The following CCNYL1 variants were observed in gnomAD, a reference collection of about 807,000 sequenced individuals.
CCNYL1 encodes the protein cyclin-Y-like protein 1.
In CCNYL1, 16 loss-of-function variants were observed where a neutral mutation model predicts 44.2. That is an observed-to-expected ratio of 0.36 (90% CI 0.25 to 0.55). The LOEUF (loss-of-function observed/expected upper bound fraction) is 0.55. Ranked by LOEUF, CCNYL1 falls within the 20% of genes least tolerant of loss-of-function variation. CCNYL1 has a pLI of 0.85. For missense variants in CCNYL1, 348 were observed against 451.8 expected (o/e 0.77, Z 2.08); for synonymous variants, 159 against 163.2 (o/e 0.97, Z 0.20).
At position 207,755,816 on chromosome 2, in the gene CCNYL1, GGTTA is replaced by G. The variant is rs1422997739; in HGVS notation, c.*2121_*2124del. 1 of 152,136 alleles carries G rather than the reference GGTTA, an allele frequency of 6.6e-6. No individual in the cohort carries two copies. The highest frequency in any genetic ancestry group is 1.5e-5 in the Non-Finnish European group (1 of 68,014). 9.4% of individuals were successfully genotyped at this position (152,136 alleles called of 1,614,324 possible). On this transcript the variant is annotated 3_prime_UTR_variant, in exon 10 of 10. Transcript: ENST00000295414. Reference sequence around the variant, plus strand: ...ACCTAAATTTGAAATACTAAGAAGAGGTTAGTGTTCTCAACTATGTGAAATCTGT... The same window carrying G: ...ACCTAAATTTGAAATACTAAGAAGAGGTGTTCTCAACTATGTGAAATCTGT...
intron 9 of CCNYL1, among the ~76,000 whole-genome samples, chr2:207,752,761 T>C (rs2091903007): frequency 6.6e-6 from 1 of 151,722 alleles, no homozygotes; most frequent in Admixed American, 6.6e-5. Context: ...TGAGAGTGGC[T>C]CATGCCTCAG....
intron 7 of CCNYL1, 121 bp from the exon 8 acceptor site, chr2:207,746,926 G>A: frequency 2.7e-6 from 2 of 732,810 alleles, no homozygotes; most frequent in East Asian, 2.7e-5. Context: ...TGTGAGCCGA[G>A]ATCGCACCAT....
intron 5 of CCNYL1, among the ~76,000 whole-genome samples, chr2:207,740,233 C>T (rs984040708): frequency 3.9e-5 from 6 of 152,232 alleles, no homozygotes; most frequent in Middle Eastern, 3.4e-3. Flanking sequence ...GAATGTAATA[C>T]GGAGAACTAG....
chr2:207,740,240 C>G (rs969277439), intron 5 of CCNYL1, among the ~76,000 whole-genome samples: 8 of 152,162 alleles, frequency 5.3e-5, no homozygotes, highest in African/African-American at 1.9e-4. Context: ...ATACGGAGAA[C>G]TAGAAAGGAA....
At chr2:207,735,121 C>T (rs182496499) in intron 4 of CCNYL1, among the ~76,000 whole-genome samples, 1 of 152,228 alleles carries the variant, frequency 6.6e-6, no homozygotes, top group Admixed American at 6.5e-5. Flanking sequence ...AGATTTCATG[C>T]TTTTTTCCCC....
intron 1 of CCNYL1, among the ~76,000 whole-genome samples, chr2:207,724,008 C>T (rs1007359724): frequency 1.3e-5 from 2 of 151,308 alleles, no homozygotes; most frequent in Admixed American, 6.6e-5. Context: ...GTTTTGTAGT[C>T]TTGCCTAAAT....
At chr2:207,743,825 TTTTTG>T (rs1398140765) in intron 7 of CCNYL1, among the ~76,000 whole-genome samples, 12 of 152,058 alleles carry the variant, frequency 7.9e-5, no homozygotes, top group South Asian at 2.1e-4. Flanking sequence ...TTTGTTTTTG[TTTTTG>T]TTTTGTTTTG....
At position 207,734,118 on chromosome 2, in the gene CCNYL1, G is replaced by C. The variant is rs7573046; in HGVS notation, c.431+71G>C. The C allele has an allele frequency of 4.1e-4, 363 of 893,274 alleles. No individual in the cohort carries two copies. In the African/African-American group the frequency reaches 5.6e-3, roughly 14 times the overall value. 55.3% of individuals were successfully genotyped at this position (893,274 alleles called of 1,614,324 possible). A position where few individuals can be genotyped will look rare whatever the true frequency, so the allele number is the denominator to read the frequency against. ...TGCTAAAAGCATCCTAGCCATCCTC[G>C]GTAATTTCAGCCATTTGATTGTCCT... On this transcript the variant is annotated intron_variant, in intron 4 of 9. Coordinates refer to ENST00000295414, the MANE Select transcript of CCNYL1 (RefSeq NM_001330218.2).
chr2:207,746,303 G>A (rs1040079499), intron 7 of CCNYL1, among the ~76,000 whole-genome samples: 1 of 152,210 alleles, frequency 6.6e-6, no homozygotes, highest in African/African-American at 2.4e-5. Context: ...ACTGTGAAAA[G>A]GAGAAGGTAA....
chr2:207,747,410 A>G (rs953743647), intron 8 of CCNYL1, among the ~76,000 whole-genome samples, 197 bp downstream of exon 8: 1 of 152,140 alleles, frequency 6.6e-6, no homozygotes, highest in African/African-American at 2.4e-5. Context: ...AACTAACTTC[A>G]TATTTTCCAT....
intron 3 of CCNYL1, among the ~76,000 whole-genome samples, chr2:207,728,575 C>T (rs2091698158): frequency 1.3e-5 from 2 of 152,164 alleles, no homozygotes; most frequent in South Asian, 4.1e-4. Flanking sequence ...TGCACCTAGC[C>T]AAAGCTTCCT....
chr2:207,743,974 T>C (rs1033417540), intron 7 of CCNYL1, among the ~76,000 whole-genome samples: 1 of 152,152 alleles, frequency 6.6e-6, no homozygotes, highest in Admixed American at 6.6e-5. Context: ...GAGAGGCAGA[T>C]TGAACAAAGT....
chr2:207,747,907 T>TTTCATTCA (rs147302428), intron 8 of CCNYL1, among the ~76,000 whole-genome samples: 7 of 152,092 alleles, frequency 4.6e-5, no homozygotes, highest in African/African-American at 1.7e-4. Flanking sequence ...CCTTTCTCTT[T>TTTCATTCA]TTCATTCATT....
chr2:207,727,115 A>G (rs890934797), intron 3 of CCNYL1, among the ~76,000 whole-genome samples: 1 of 152,196 alleles, frequency 6.6e-6, no homozygotes, highest in African/African-American at 2.4e-5. Context: ...TGGTTGTGGT[A>G]TAAATATCTG....
chr2:207,726,849 A>G lies in CCNYL1; in HGVS notation c.303A>G (p.Glu101=). ...AATTTTTTTTATTCTTAGTGCGAGA[A>G]AAGAGGAAGAGCAACCATTTGAACC... The part of the protein sequence containing the change: ...FLSKSQTDVR[E]KRKSNHLNHV... Residue 101 remains glutamate (E), a synonymous_variant, in exon 3 of 10, where the codon GAA becomes GAG. Transcript: ENST00000295414. 1.3e-6 allele frequency: 2 copies of G among 1,568,676 alleles called. No homozygotes were observed. The highest frequency in any genetic ancestry group is 1.7e-6 in the Non-Finnish European group (2 of 1,163,490).
chr2:207,715,044 C>A (rs1035772287), intron 1 of CCNYL1, among the ~76,000 whole-genome samples: 1 of 152,020 alleles, frequency 6.6e-6, no homozygotes, highest in Non-Finnish European at 1.5e-5. Flanking sequence ...CTGAGGTGGG[C>A]GGATCACGAG....
chr2:207,746,422 T>C (rs1023919206), intron 7 of CCNYL1, among the ~76,000 whole-genome samples: 2 of 152,226 alleles, frequency 1.3e-5, no homozygotes, highest in Non-Finnish European at 1.5e-5. Context: ...TAGGCACTCA[T>C]TATTTATTGA....
At chr2:207,723,523 T>G (rs1193982795) in intron 1 of CCNYL1, among the ~76,000 whole-genome samples, 1 of 152,158 alleles carries the variant, frequency 6.6e-6, no homozygotes, top group African/African-American at 2.4e-5. Flanking sequence ...TCGCCTTAAC[T>G]GTTACTCTGG....
intron 4 of CCNYL1, 38 bp downstream of exon 4, chr2:207,734,085 C>A: frequency 1.6e-6 from 2 of 1,283,520 alleles, no homozygotes; most frequent in Non-Finnish European, 2.3e-6. Context: ...GAGTGACAGA[C>A]CCCCTTATGC....
Sources: gnomAD v4.1 joint callset for allele counts (sites outside exome capture counted in the v4.1 genomes callset) on GRCh38, gnomAD v4.1.1 for gene constraint, MANE v1.5 for transcripts, NCBI Gene and HGNC (gene_info 2026-07-23, HGNC 2026-07-21) for gene names.